Variants in AGBL4 observed in about 807,000 individuals in gnomAD.
AGBL4 encodes the protein cytosolic carboxypeptidase 6.
Under a neutral mutation model 66.4 loss-of-function variants are expected in AGBL4, and 58 were observed. The observed-to-expected ratio is 0.87, with a 90% CI of 0.71 to 1.09. AGBL4 has a LOEUF of 1.09. Ranked by LOEUF, AGBL4 falls within the 50% of genes least tolerant of loss-of-function variation. The probability of loss-of-function intolerance (pLI) is 0.00; values close to 1 mark genes in which losing one functional copy is unlikely to be tolerated. For synonymous variants in AGBL4, 234 were observed against 222.9 expected, an observed-to-expected ratio of 1.05 and a Z score of -0.44; for missense variants, 579 against 631.0, an observed-to-expected ratio of 0.92 and a Z score of 0.88.
chr1:48,926,531 C>T (rs577237588), intron 5 of AGBL4, among the ~76,000 whole-genome samples: 30 of 151,840 alleles, frequency 2.0e-4, no homozygotes, highest in Non-Finnish European at 3.5e-4. Context: ...TCAATTGATC[C>T]GCCCACCTCG....
chr1:49,416,217 T>A (rs1645423464), intron 3 of AGBL4, among the ~76,000 whole-genome samples: 1 of 152,150 alleles, frequency 6.6e-6, no homozygotes, highest in Non-Finnish European at 1.5e-5. Context: ...CCAGATGATA[T>A]TTATACATGT....
chr1:49,831,428 G>A (rs546319403), intron 2 of AGBL4, among the ~76,000 whole-genome samples: 7 of 152,014 alleles, frequency 4.6e-5, no homozygotes, highest in Non-Finnish European at 1.0e-4. Context: ...TTGGTGTATA[G>A]GAACACTTGT....
At chr1:49,179,234 G>A (rs1419669666) in intron 4 of AGBL4, among the ~76,000 whole-genome samples, 1 of 152,120 alleles carries the variant, frequency 6.6e-6, no homozygotes. Context: ...GGCTATTGCA[G>A]TAGCTCAATG....
chr1:48,867,528 C>G (rs1261633105), intron 5 of AGBL4, among the ~76,000 whole-genome samples: 1 of 152,094 alleles, frequency 6.6e-6, no homozygotes, highest in Non-Finnish European at 1.5e-5. Context: ...TCACCTAGAG[C>G]CACAGAGAAG....
chr1:48,884,008 G>T (rs985353847), intron 5 of AGBL4, among the ~76,000 whole-genome samples: 2 of 152,178 alleles, frequency 1.3e-5, no homozygotes, highest in Non-Finnish European at 2.9e-5. Flanking sequence ...CCCTCAGAGG[G>T]CCTTCCTGCT....
intron 6 of AGBL4, among the ~76,000 whole-genome samples, chr1:48,823,503 C>T (rs1042294513): frequency 6.6e-6 from 1 of 152,170 alleles, no homozygotes; most frequent in African/African-American, 2.4e-5. Flanking sequence ...TTCCCAAGGC[C>T]TCTGTTTAGA....
chr1:48,539,485 C>T (rs1400373553), intron 12 of AGBL4, among the ~76,000 whole-genome samples, 157 bp downstream of exon 12: 1 of 152,046 alleles, frequency 6.6e-6, no homozygotes, highest in Non-Finnish European at 1.5e-5. Context: ...AGGAACTATG[C>T]TCTTCTGCCC....
chr1:49,644,081 T>C (rs1204151117), intron 3 of AGBL4, among the ~76,000 whole-genome samples: 3 of 151,654 alleles, frequency 2.0e-5, no homozygotes, highest in Admixed American at 1.3e-4. Context: ...GAAATGGAAG[T>C]ATATTCTTGT....
chr1:48,695,933 C>T (rs960654931), intron 6 of AGBL4, among the ~76,000 whole-genome samples: 2 of 152,060 alleles, frequency 1.3e-5, no homozygotes, highest in African/African-American at 4.8e-5. Flanking sequence ...ACTTGACCCA[C>T]TGGCCTGCAT....
chr1:49,696,527 T>C (rs1478829379), intron 3 of AGBL4, among the ~76,000 whole-genome samples: 1 of 152,142 alleles, frequency 6.6e-6, no homozygotes, highest in Non-Finnish European at 1.5e-5. Context: ...ATAATAGTTT[T>C]TCATGGACAA....
chr1:48,853,727 CCCATGAGGT>C (rs765522467), intron 6 of AGBL4, among the ~76,000 whole-genome samples: 88 of 152,190 alleles, frequency 5.8e-4, no homozygotes, highest in Non-Finnish European at 9.6e-4. Flanking sequence ...CCTTCAGATT[CCCATGAGGT>C]CTGTCTACCT....
chr1:48,587,419 G>A (rs571309101), intron 10 of AGBL4, among the ~76,000 whole-genome samples: 2 of 151,980 alleles, frequency 1.3e-5, no homozygotes, highest in African/African-American at 4.8e-5. Flanking sequence ...AGGGAGCAGG[G>A]AAAAGCAGAC....
chr1:49,842,527 C>T, intron 2 of AGBL4: 1 of 987,854 alleles, frequency 1.0e-6, no homozygotes, highest in Non-Finnish European at 1.2e-6. Context: ...ACTACTCAGT[C>T]TTAGTGAAGA....
At chr1:50,008,316 A>G (rs1661288109) in intron 1 of AGBL4, among the ~76,000 whole-genome samples, 1 of 152,226 alleles carries the variant, frequency 6.6e-6, no homozygotes, top group African/African-American at 2.4e-5. Flanking sequence ...TATATCAAGT[A>G]TCTTCTCTGA....
chr1:49,334,661 A>G (rs1645398820), intron 3 of AGBL4, among the ~76,000 whole-genome samples: 1 of 152,130 alleles, frequency 6.6e-6, no homozygotes, highest in Non-Finnish European at 1.5e-5. Context: ...CATGGTCTTC[A>G]ATATTGTATT....
chr1:49,403,234 G>A (rs532056450), intron 3 of AGBL4, among the ~76,000 whole-genome samples: 6 of 152,200 alleles, frequency 3.9e-5, no homozygotes, highest in Non-Finnish European at 8.8e-5. Flanking sequence ...ATAATATAAT[G>A]ACCTTCTTTG....
At chr1:49,728,294 TC>T (rs1168540874) in intron 2 of AGBL4, among the ~76,000 whole-genome samples, 2 of 152,212 alleles carry the variant, frequency 1.3e-5, no homozygotes, top group Non-Finnish European at 2.9e-5. Context: ...TAGAGAGCTG[TC>T]ATACAATTTA....
intron 1 of AGBL4, among the ~76,000 whole-genome samples, chr1:49,930,761 C>A (rs1319886466): frequency 2.0e-5 from 3 of 151,992 alleles, no homozygotes; most frequent in Non-Finnish European, 4.4e-5. Context: ...GAGGCCTCAG[C>A]ATGATAAGAA....
chr1:49,601,173 C>A (rs1644951179), intron 3 of AGBL4, among the ~76,000 whole-genome samples: 2 of 152,040 alleles, frequency 1.3e-5, no homozygotes, highest in African/African-American at 4.8e-5. Flanking sequence ...GAATTTTGGA[C>A]TGTCTTGCTA....
Sources: allele counts gnomAD v4.1 joint callset (sites outside exome capture counted in the v4.1 genomes callset), GRCh38; gene constraint gnomAD v4.1.1; transcripts MANE v1.5; gene names NCBI Gene and HGNC (gene_info 2026-07-23, HGNC 2026-07-21).